CDH10: variants seen among roughly 807,000 people sequenced by gnomAD.
CDH10 encodes the protein cadherin-10.
CDH10 carries 30 observed loss-of-function variants against 73.1 expected under a neutral mutation model. The ratio of observed to expected loss-of-function variants is 0.41; its 90% CI spans 0.31 to 0.56. The LOEUF is 0.56. Among genes scored for constraint, CDH10 ranks in the 20% least tolerant of loss-of-function variants. The pLI, the probability that CDH10 is intolerant of heterozygous loss-of-function variation, is 0.27. For missense variants in CDH10, 815 were observed against 973.7 expected (o/e 0.84, Z 2.17); for synonymous variants, 345 against 348.2 (o/e 0.99, Z 0.10).
At chr5:24,622,923 G>C (rs1277650823) in intron 1 of CDH10, among the ~76,000 whole-genome samples, 1 of 152,054 alleles carries the variant, frequency 6.6e-6, no homozygotes, top group African/African-American at 2.4e-5. Context: ...ATTTTCAAGA[G>C]GATTCTGAGA....
chr5:24,623,067 C>T (rs567925889), intron 1 of CDH10, among the ~76,000 whole-genome samples: 1 of 152,044 alleles, frequency 6.6e-6, no homozygotes, highest in African/African-American at 2.4e-5. Context: ...AAATGCTATG[C>T]CTCCGCCAGA....
intron 1 of CDH10, among the ~76,000 whole-genome samples, chr5:24,607,457 C>T (rs184901221): frequency 1.6e-4 from 25 of 152,202 alleles, no homozygotes; most frequent in Admixed American, 4.6e-4. Context: ...AAAAAACCAC[C>T]GTCAGGTGTC....
chr5:24,619,023 C>T (rs1192028502), intron 1 of CDH10, among the ~76,000 whole-genome samples: 1 of 152,130 alleles, frequency 6.6e-6, no homozygotes, highest in African/African-American at 2.4e-5. Context: ...CATGACACTC[C>T]TTTCTTCTCT....
At chr5:24,557,086 G>C (rs180870565) in intron 2 of CDH10, among the ~76,000 whole-genome samples, 39 of 151,724 alleles carry the variant, frequency 2.6e-4, no homozygotes, top group African/African-American at 8.5e-4. Flanking sequence ...TGTGTGTATT[G>C]TAGTGGTCAT....
chr5:24,509,741 A>G lies in CDH10; in HGVS notation c.1081T>C (p.Tyr361His). The G allele has an allele frequency of 6.2e-7, 1 of 1,612,752 alleles. No homozygotes were observed. The highest frequency in any genetic ancestry group is 8.5e-7 in the Non-Finnish European group (1 of 1,178,876). ...GTAGTATCTTTAAATGGTCCTAGGT[A>G]ATAAAAACGGGGATCTACATGGGTG... Reference protein sequence around the residue: ...ENTHVDPRFYYLGPFKDTTIV... With the variant: ...ENTHVDPRFYHLGPFKDTTIV... The change falls in exon 7 of 12, where the codon TAC becomes CAC. Residue 361 changes from tyrosine (Y) to histidine (H), a missense_variant. Physicochemically the swap from Tyr to His is moderately conservative, Grantham distance 83. This residue lies in a region of CDH10 where 516 missense variants were observed against 636.6 expected (regional missense o/e 0.81). Coordinates refer to ENST00000264463, the MANE Select transcript of CDH10 (RefSeq NM_006727.5).
chr5:24,563,381 G>C (rs1366878042), intron 2 of CDH10, among the ~76,000 whole-genome samples: 1 of 150,978 alleles, frequency 6.6e-6, no homozygotes. Context: ...TATTCAATTT[G>C]GTTGACTAAG....
intron 2 of CDH10, among the ~76,000 whole-genome samples, chr5:24,564,432 A>G (rs1464699935): frequency 3.9e-5 from 6 of 152,128 alleles, no homozygotes; most frequent in African/African-American, 1.4e-4. Flanking sequence ...ATTAATCTTT[A>G]CAAAGGAATC....
chr5:24,596,123 AC>A lies in CDH10; in HGVS notation c.-123-2511del, dbSNP rs1438477144. On this transcript the variant is annotated intron_variant, in intron 1 of 11. Coordinates refer to ENST00000264463, the MANE Select transcript of CDH10 (RefSeq NM_006727.5). The stretch of plus-strand genomic sequence containing the variant: ...AAATAAAAATAGAAAATTATATGAA[AC>A]AAATCTAACATTTAATTTCTCTGCA... 8.5e-5 allele frequency among the ~76,000 whole-genome samples: 13 copies of A among 152,112 alleles called. No homozygotes were observed. In the South Asian group the frequency reaches 2.3e-3, roughly 27 times the overall value.
Position 24,571,467 on chromosome 5 carries a change from G to C in CDH10, c.231+21793C>G, listed in dbSNP as rs559928967. Among the ~76,000 whole-genome samples the C allele has an allele frequency of 3.7e-4, 56 of 152,238 alleles. No homozygotes were observed. In the South Asian group the frequency reaches 6.8e-3, roughly 19 times the overall value. On this transcript the variant is annotated intron_variant, in intron 2 of 11. Transcript: ENST00000264463. ...CAAGAAAATAAATTAATTTGAGTCA[G>C]ATGCCAGGAAAGCATTATTACCCAG...
intron 2 of CDH10, among the ~76,000 whole-genome samples, chr5:24,569,686 C>T (rs1745297185): frequency 1.3e-5 from 2 of 151,602 alleles, no homozygotes; most frequent in African/African-American, 4.8e-5. Flanking sequence ...ATTTCAGATA[C>T]ATACTCTTTT....
At chr5:24,491,974 TTAA>T in intron 10 of CDH10, 147 bp from the exon 11 acceptor site, 1 of 556,574 alleles carries the variant, frequency 1.8e-6, no homozygotes, top group South Asian at 2.8e-5. Context: ...TACAATGCAA[TTAA>T]TATATAGATA....
At position 24,576,375 on chromosome 5, in the gene CDH10, A is replaced by T. The variant is rs191642733; in HGVS notation, c.231+16885T>A. 5.7e-4 allele frequency among the ~76,000 whole-genome samples: 86 copies of T among 152,190 alleles called. 1 individual carries two copies. In the Middle Eastern group the frequency reaches 0.014, roughly 24 times the overall value. ...AACTTAGAGCCACGTGCTTTAGAAG[A>T]TTATTATGTAACTTGACTTAAATTC... On this transcript the variant is annotated intron_variant, in intron 2 of 11. Coordinates refer to ENST00000264463, the MANE Select transcript of CDH10 (RefSeq NM_006727.5).
intron 1 of CDH10, among the ~76,000 whole-genome samples, chr5:24,613,639 T>C (rs1288602919): frequency 2.0e-5 from 3 of 151,574 alleles, no homozygotes; most frequent in Non-Finnish European, 4.4e-5. Context: ...ATGGGGACAA[T>C]GTTGCTACCT....
At chr5:24,501,941 G>A (rs1402696425) in intron 8 of CDH10, among the ~76,000 whole-genome samples, 1 of 151,006 alleles carries the variant, frequency 6.6e-6, no homozygotes, top group African/African-American at 2.4e-5. Context: ...TTTTTTTAGA[G>A]GGAATCTCAC....
At chr5:24,596,565 A>G (rs1460468334) in intron 1 of CDH10, among the ~76,000 whole-genome samples, 1 of 152,020 alleles carries the variant, frequency 6.6e-6, no homozygotes, top group Admixed American at 6.6e-5. Flanking sequence ...ATTTTTGAAC[A>G]TGTCTACCAC....
At chr5:24,601,237 C>T (rs1440929267) in intron 1 of CDH10, among the ~76,000 whole-genome samples, 1 of 151,978 alleles carries the variant, frequency 6.6e-6, no homozygotes, top group Non-Finnish European at 1.5e-5. Flanking sequence ...ACTTTTGTAT[C>T]CAGCTTTGGA....
chr5:24,532,288 A>G (rs1743781565), intron 5 of CDH10, among the ~76,000 whole-genome samples: 1 of 152,144 alleles, frequency 6.6e-6, no homozygotes, highest in Admixed American at 6.6e-5. Context: ...GAGCACTAGC[A>G]TTAGTCAACA....
At position 24,512,023 on chromosome 5, in the gene CDH10, A is replaced by G. The variant is rs572467596; in HGVS notation, c.815-509T>C. Reference sequence around the variant, plus strand: ...GAGGAGGGAGAGGATCAGAAAAACAATAATTACTGGGTACCAGGCCTATTA... The same window carrying G: ...GAGGAGGGAGAGGATCAGAAAAACAGTAATTACTGGGTACCAGGCCTATTA... On this transcript the variant is annotated intron_variant, in intron 5 of 11. Coordinates refer to ENST00000264463, the MANE Select transcript of CDH10 (RefSeq NM_006727.5). Among the ~76,000 whole-genome samples the G allele has an allele frequency of 5.3e-5, 8 of 152,252 alleles. No homozygotes were observed. In the East Asian group the frequency reaches 1.5e-3, roughly 29 times the overall value.
chr5:24,527,574 C>T (rs950525942), intron 5 of CDH10, among the ~76,000 whole-genome samples: 5 of 151,800 alleles, frequency 3.3e-5, no homozygotes, highest in Admixed American at 6.6e-5. Context: ...CTATATGGTA[C>T]AGCCTACTGC....
Sources: allele counts gnomAD v4.1 joint callset (sites outside exome capture counted in the v4.1 genomes callset), GRCh38; gene constraint gnomAD v4.1.1; regional missense constraint gnomAD v4.1.1; transcripts MANE v1.5; gene names NCBI Gene and HGNC (gene_info 2026-07-23, HGNC 2026-07-21).